The following PTPRM variants were observed in gnomAD, a reference collection of about 807,000 sequenced individuals.
PTPRM encodes the protein receptor-type tyrosine-protein phosphatase mu.
Under a neutral mutation model 186.7 loss-of-function variants are expected in PTPRM, and 47 were observed. The observed-to-expected ratio is 0.25, with a 90% CI of 0.20 to 0.32. PTPRM has a LOEUF of 0.32. Ranked by LOEUF, PTPRM falls within the 10% of genes least tolerant of loss-of-function variation. The pLI, the probability that PTPRM is intolerant of heterozygous loss-of-function variation, is 1.00. For synonymous variants in PTPRM, 668 were observed against 674.9 expected (o/e 0.99, Z 0.16); for missense variants, 1,494 against 1,865.0 (o/e 0.80, Z 3.66).
chr18:8,091,880 A>G (rs1004904121), intron 11 of PTPRM, among the ~76,000 whole-genome samples: 2 of 152,200 alleles, frequency 1.3e-5, no homozygotes, highest in South Asian at 2.1e-4. Flanking sequence ...AATCTGCAAA[A>G]TGCACATGTA....
chr18:8,047,631 T>C (rs946316305), intron 7 of PTPRM, among the ~76,000 whole-genome samples: 1 of 152,142 alleles, frequency 6.6e-6, no homozygotes, highest in Non-Finnish European at 1.5e-5. Context: ...CTGAGTCACC[T>C]GGAGAGCTTT....
At chr18:7,693,194 A>C (rs1392676305) in intron 1 of PTPRM, among the ~76,000 whole-genome samples, 9 of 152,192 alleles carry the variant, frequency 5.9e-5, no homozygotes, top group African/African-American at 1.7e-4. Flanking sequence ...ACTGATCTAC[A>C]TGAATGTGTT....
chr18:8,248,293 T>C, intron 17 of PTPRM, 117 bp downstream of exon 17: 2 of 1,011,594 alleles, frequency 2.0e-6, no homozygotes, highest in Non-Finnish European at 3.2e-6. Context: ...AAGCACGACA[T>C]GTGGGAGGTG....
intron 2 of PTPRM, among the ~76,000 whole-genome samples, chr18:7,782,764 C>G (rs1476053711): frequency 1.3e-5 from 2 of 152,160 alleles, no homozygotes; most frequent in Non-Finnish European, 2.9e-5. Flanking sequence ...CAAAAACTTT[C>G]AGAGATTAAA....
chr18:7,740,543 C>T (rs2040865972), intron 1 of PTPRM, among the ~76,000 whole-genome samples: 1 of 152,166 alleles, frequency 6.6e-6, no homozygotes, highest in African/African-American at 2.4e-5. Context: ...TTCAGCCTCT[C>T]CAGTAGCTGG....
At chr18:7,578,677 G>C (rs995014067) in intron 1 of PTPRM, among the ~76,000 whole-genome samples, 3 of 148,978 alleles carry the variant, frequency 2.0e-5, no homozygotes, top group Non-Finnish European at 4.5e-5. Context: ...TTGCTTTGTT[G>C]CCTTGGCTGG....
chr18:7,851,623 C>A (rs1477157556), intron 2 of PTPRM, among the ~76,000 whole-genome samples: 1 of 117,142 alleles, frequency 8.5e-6, no homozygotes, highest in East Asian at 3.1e-4. Flanking sequence ...TATTTTTATA[C>A]CAACAACAAA....
intron 2 of PTPRM, among the ~76,000 whole-genome samples, chr18:7,885,937 G>A (rs2048761003): frequency 6.6e-6 from 1 of 152,176 alleles, no homozygotes; most frequent in Non-Finnish European, 1.5e-5. Context: ...GCCCCTCTGA[G>A]TGCTTCACAG....
intron 24 of PTPRM, among the ~76,000 whole-genome samples, chr18:8,373,890 A>G (rs1247054745): frequency 6.6e-6 from 1 of 152,092 alleles, no homozygotes; most frequent in Admixed American, 6.5e-5. Context: ...GTCTCGGAAA[A>G]AAAAAAAAAA....
intron 22 of PTPRM, among the ~76,000 whole-genome samples, chr18:8,333,085 T>C (rs2095420516): frequency 6.6e-6 from 1 of 152,218 alleles, no homozygotes; most frequent in African/African-American, 2.4e-5. Context: ...CTCAGTGTGT[T>C]TGCTTGTAAT....
intron 29 of PTPRM, among the ~76,000 whole-genome samples, chr18:8,383,822 A>G (rs1319703432): frequency 6.6e-6 from 1 of 152,192 alleles, no homozygotes; most frequent in Non-Finnish European, 1.5e-5. Flanking sequence ...TCCACATGCA[A>G]TCCCAGCCAG....
intron 2 of PTPRM, among the ~76,000 whole-genome samples, chr18:7,871,947 TAAA>T (rs2048003644): frequency 6.6e-6 from 1 of 152,182 alleles, no homozygotes; most frequent in South Asian, 2.1e-4. Flanking sequence ...GTGTAAATGA[TAAA>T]GAAGAAAAAA....
At chr18:8,381,497 G>T (rs569234916) in intron 29 of PTPRM, among the ~76,000 whole-genome samples, 10 of 152,226 alleles carry the variant, frequency 6.6e-5, no homozygotes, top group African/African-American at 2.4e-4. Context: ...AGTTCTATAA[G>T]GTTTTTAATT....
intron 14 of PTPRM, among the ~76,000 whole-genome samples, chr18:8,223,225 A>G (rs1203970495): frequency 6.6e-6 from 1 of 152,186 alleles, no homozygotes; most frequent in Non-Finnish European, 1.5e-5. Flanking sequence ...CTCTGTCTCA[A>G]AAATAAATAA....
At chr18:7,878,428 A>G (rs973811592) in intron 2 of PTPRM, among the ~76,000 whole-genome samples, 8 of 152,098 alleles carry the variant, frequency 5.3e-5, no homozygotes, top group African/African-American at 1.9e-4. Context: ...TTCTGACCCT[A>G]GTTGGGCTAA....
intron 8 of PTPRM, among the ~76,000 whole-genome samples, chr18:8,071,922 T>C (rs2089503561): frequency 6.6e-6 from 1 of 152,222 alleles, no homozygotes; most frequent in African/African-American, 2.4e-5. Flanking sequence ...TAACAATTCT[T>C]AGATACATTA....
intron 1 of PTPRM, among the ~76,000 whole-genome samples, chr18:7,721,258 C>T (rs962829655): frequency 6.6e-6 from 1 of 151,184 alleles, no homozygotes; most frequent in Non-Finnish European, 1.5e-5. Context: ...TTCTTTTTGG[C>T]CATTTGTATA....
At chr18:8,151,314 CA>C (rs1413452152) in intron 14 of PTPRM, among the ~76,000 whole-genome samples, 1 of 151,978 alleles carries the variant, frequency 6.6e-6, no homozygotes, top group East Asian at 1.9e-4. Context: ...GCCTTTTTTT[CA>C]GAGATGCCCT....
At chr18:8,057,425 C>CTTTTTTTTTTTTTTTTTTTTTT (rs763829289) in intron 7 of PTPRM, among the ~76,000 whole-genome samples, 3 of 102,560 alleles carry the variant, frequency 2.9e-5, no homozygotes, top group African/African-American at 1.3e-4. Flanking sequence ...TGTGATACTT[C>CTTTTTTTTTTTTTTTTTTTTTT]TTTTTTTTTT....
Sources: gnomAD v4.1 joint callset for allele counts (sites outside exome capture counted in the v4.1 genomes callset) on GRCh38, gnomAD v4.1.1 for gene constraint, MANE v1.5 for transcripts, NCBI Gene and HGNC (gene_info 2026-07-23, HGNC 2026-07-21) for gene names.